SEPTIN11: variants seen among roughly 807,000 people sequenced by gnomAD.
SEPTIN11 encodes septin-11.
Under a neutral mutation model 51.4 loss-of-function variants are expected in SEPTIN11, and 25 were observed. The observed-to-expected ratio is 0.49, with a 90% CI of 0.35 to 0.68. The LOEUF (loss-of-function observed/expected upper bound fraction) is 0.68. SEPTIN11 is among the 30% of genes least tolerant of loss of function. SEPTIN11 has a pLI of 0.00. For missense variants in SEPTIN11, 381 were observed against 520.8 expected (o/e 0.73, Z 2.61); for synonymous variants, 174 against 184.1 (o/e 0.95, Z 0.44).
Position 77,034,821 on chromosome 4 carries a change from G to C in SEPTIN11, c.*309G>C, listed in dbSNP as rs1023903092. On this transcript the variant is annotated 3_prime_UTR_variant, in exon 10 of 10. Transcript: ENST00000264893. ...TACTTGTATGTCGCTTTGGACAGAG[G>C]AAAGTGGGGTAAAATGCTACCTGTA... The C allele has an allele frequency of 2.8e-6, 3 of 1,072,076 alleles. No individual in the cohort carries two copies. The African/African-American group carries it at 5.0e-5, about 18-fold the overall frequency. The allele number at this position is 1,072,076 out of a possible 1,614,324, so 66.4% of individuals were successfully genotyped here. A position where few individuals can be genotyped will look rare whatever the true frequency, so the allele number is the denominator to read the frequency against.
chr4:76,996,327 G>T, intron 1 of SEPTIN11, 98 bp from the exon 2 acceptor site: 3 of 924,310 alleles, frequency 3.2e-6, no homozygotes, highest in Admixed American at 2.0e-5. Flanking sequence ...TTCCATGTAT[G>T]TCAAGGGAAG....
At position 76,949,803 on chromosome 4, in the gene SEPTIN11, C is replaced by G. The variant is rs1721231236; in HGVS notation, c.-101C>G. The G allele has an allele frequency of 7.6e-7, 1 of 1,315,772 alleles. No homozygotes were observed. Among genetic ancestry groups the G allele is most frequent in the Non-Finnish European group, 1.0e-6 (1 of 966,762 alleles). 81.5% of individuals were successfully genotyped at this position (1,315,772 alleles called of 1,614,324 possible). A position where few individuals can be genotyped will look rare whatever the true frequency, so the allele number is the denominator to read the frequency against. On this transcript the variant is annotated 5_prime_UTR_variant, in exon 1 of 10. Coordinates refer to ENST00000264893, the MANE Select transcript of SEPTIN11 (RefSeq NM_018243.4). ...GACGCCGGCGAGCAGAGCGCAGCCG[C>G]GAGGGAGGCGCGAGGGAGGCGAGCC...
downstream of SEPTIN11, chr4:77,039,713 T>A (rs113359633): frequency 3.5e-3 from 3,410 of 985,354 alleles, 89 homozygotes; most frequent in African/African-American, 0.052. Context: ...CTTTGGAGTG[T>A]TCTATTGATA....
chr4:76,974,678 C>T (rs1722406288), intron 1 of SEPTIN11: 1 of 441,144 alleles, frequency 2.3e-6, no homozygotes, highest in Non-Finnish European at 4.6e-6. Context: ...CCCTTCTAGT[C>T]ACCGATCTTG....
chr4:76,986,160 A>G (rs1723015232), intron 1 of SEPTIN11, among the ~76,000 whole-genome samples: 1 of 152,148 alleles, frequency 6.6e-6, no homozygotes, highest in African/African-American at 2.4e-5. Context: ...TTCTCCTGCA[A>G]GAGGGTGGAG....
At chr4:77,014,754 T>A in intron 4 of SEPTIN11, 102 bp from the exon 5 acceptor site, 2 of 1,119,034 alleles carry the variant, frequency 1.8e-6, no homozygotes, top group Non-Finnish European at 2.6e-6. Flanking sequence ...CTTTATTTTT[T>A]ACAGTAAGGT....
intron 1 of SEPTIN11, among the ~76,000 whole-genome samples, chr4:76,957,359 G>A (rs1721607583): frequency 6.6e-6 from 1 of 152,122 alleles, no homozygotes; most frequent in African/African-American, 2.4e-5. Context: ...AGAGGCCATA[G>A]TGTATAGCGT....
At chr4:77,031,074 A>G in intron 9 of SEPTIN11, 104 bp downstream of exon 9, 1 of 1,070,426 alleles carries the variant, frequency 9.3e-7, no homozygotes, top group Non-Finnish European at 1.3e-6. Context: ...CCTTTACCAG[A>G]AAGATAAAAG....
intron 4 of SEPTIN11, among the ~76,000 whole-genome samples, chr4:77,012,588 C>T (rs1724954267): frequency 1.3e-5 from 2 of 152,136 alleles, no homozygotes; most frequent in South Asian, 4.1e-4. Context: ...TGGTATTTAC[C>T]GTTAGATTCA....
intron 5 of SEPTIN11, among the ~76,000 whole-genome samples, chr4:77,016,599 C>CATATATATACACACAT (rs1725256701): frequency 1.6e-5 from 1 of 62,438 alleles, no homozygotes; most frequent in Non-Finnish European, 3.4e-5. Context: ...TATACACACA[C>CATATATATACACACAT]ATATATATAT....
intron 1 of SEPTIN11, among the ~76,000 whole-genome samples, chr4:76,989,452 G>A (rs1032262551): frequency 4.6e-5 from 7 of 152,176 alleles, no homozygotes; most frequent in Middle Eastern, 3.4e-3. Context: ...TCTTGCTTCC[G>A]CCTGCTGATA....
In SEPTIN11 at chr4:77,003,137, G is replaced by C. The variant is rs140035129; in HGVS notation, c.143-2464G>C. Among the ~76,000 whole-genome samples the C allele has an allele frequency of 1.2e-4, 19 of 152,258 alleles. No individual in the cohort carries two copies. The East Asian group carries it at 3.5e-3, about 28-fold the overall frequency. On this transcript the variant is annotated intron_variant, in intron 2 of 9. Transcript: ENST00000264893. ...TCTTTTTCATGCCATCACGCTGTGTGGGGATTGCATGTATCTCATTCAAAT... is the reference window on the plus strand; with the variant it reads ...TCTTTTTCATGCCATCACGCTGTGTCGGGATTGCATGTATCTCATTCAAAT...
At position 77,005,823 on chromosome 4, in the gene SEPTIN11, T is replaced by C. The variant is rs761458517; in HGVS notation, c.338+27T>C. On this transcript the variant is annotated intron_variant, in intron 3 of 9. Transcript: ENST00000264893. Reference sequence around the variant, plus strand: ...TACATCTTGGGATTTTGGGGGGACATGAATGGATGAGGAGATAGCAGGATC... The same window carrying C: ...TACATCTTGGGATTTTGGGGGGACACGAATGGATGAGGAGATAGCAGGATC... 11 of 1,598,882 alleles carry C rather than the reference T, an allele frequency of 6.9e-6. No individual in the cohort carries two copies. In the Admixed American group the frequency reaches 1.7e-4, roughly 24 times the overall value.
At chr4:76,970,209 C>A (rs532547873) in intron 1 of SEPTIN11, among the ~76,000 whole-genome samples, 2 of 152,196 alleles carry the variant, frequency 1.3e-5, no homozygotes, top group Non-Finnish European at 2.9e-5. Context: ...TCAGGACTCT[C>A]AACCAGGCAG....
chr4:77,035,794 G>A lies in SEPTIN11; in HGVS notation c.*1282G>A. 3 of 985,850 alleles carry A rather than the reference G, an allele frequency of 3.0e-6. No homozygotes were observed. Among genetic ancestry groups the A allele is most frequent in the Non-Finnish European group, 3.6e-6 (3 of 829,922 alleles). The allele number at this position is 985,850 out of a possible 1,614,324, so 61.1% of individuals were successfully genotyped here. A position where few individuals can be genotyped will look rare whatever the true frequency, so the allele number is the denominator to read the frequency against. The stretch of plus-strand genomic sequence containing the variant: ...AGAACCTGTACTAAATGCCTAATTT[G>A]TATGGAAGAGTGCATATTTAATCTC... On this transcript the variant is annotated 3_prime_UTR_variant, in exon 10 of 10. Coordinates refer to ENST00000264893, the MANE Select transcript of SEPTIN11 (RefSeq NM_018243.4).
chr4:76,966,189 C>T (rs948617840), intron 1 of SEPTIN11, among the ~76,000 whole-genome samples: 3 of 152,138 alleles, frequency 2.0e-5, no homozygotes, highest in Admixed American at 6.5e-5. Context: ...AGTTGGATGG[C>T]GCCCTACATT....
chr4:76,968,118 A>G (rs1175202180), intron 1 of SEPTIN11, among the ~76,000 whole-genome samples: 2 of 152,204 alleles, frequency 1.3e-5, no homozygotes, highest in East Asian at 1.9e-4. Context: ...TTGAGTTCCA[A>G]TGACAGTTAA....
At chr4:76,979,962 A>G (rs1236849921) in intron 1 of SEPTIN11, among the ~76,000 whole-genome samples, 1 of 152,194 alleles carries the variant, frequency 6.6e-6, no homozygotes, top group Non-Finnish European at 1.5e-5. Context: ...AGCATCAAGC[A>G]TGGTGACCTT....
rs1171457252 is a variant in SEPTIN11 at position 77,036,976 on chromosome 4, AG to A, written c.*2465del. On this transcript the variant is annotated 3_prime_UTR_variant, in exon 10 of 10. Coordinates refer to ENST00000264893, the MANE Select transcript of SEPTIN11 (RefSeq NM_018243.4). ...TTTGAGTAGCCTTTGTTTAAAAAAAAGACTAAATATATTTAAAAGGCCACAT... is the reference window on the plus strand; with the variant it reads ...TTTGAGTAGCCTTTGTTTAAAAAAAAACTAAATATATTTAAAAGGCCACAT... 9.9e-5 allele frequency: 125 copies of A among 1,264,106 alleles called. No homozygotes were observed. The highest frequency in any genetic ancestry group is 4.1e-4 in the East Asian group (13 of 31,386). 78.3% of individuals were successfully genotyped at this position (1,264,106 alleles called of 1,614,324 possible).
Sources: gnomAD v4.1 joint callset for allele counts (sites outside exome capture counted in the v4.1 genomes callset) on GRCh38, gnomAD v4.1.1 for gene constraint, MANE v1.5 for transcripts, NCBI Gene and HGNC (gene_info 2026-07-23, HGNC 2026-07-21) for gene names.